The following NCOA3 variants were observed in gnomAD, a reference collection of about 807,000 sequenced individuals.
The protein encoded by NCOA3 is CBP-interacting protein.
A neutral mutation model predicts 158.8 loss-of-function variants in NCOA3; 51 were observed. That is an observed-to-expected ratio of 0.32 (90% CI 0.26 to 0.41). NCOA3 has a LOEUF of 0.41. Among genes scored for constraint, NCOA3 ranks in the 10% least tolerant of loss-of-function variants. The probability of loss-of-function intolerance (pLI) is 1.00; values close to 1 mark genes in which losing one functional copy is unlikely to be tolerated. For missense variants in NCOA3, 1,510 were observed against 1,746.6 expected, an observed-to-expected ratio of 0.86 and a Z score of 2.41; for synonymous variants, 537 against 592.4, an observed-to-expected ratio of 0.91 and a Z score of 1.36.
intron 2 of NCOA3, among the ~76,000 whole-genome samples, chr20:47,597,993 C>G (rs999016841): frequency 6.6e-6 from 1 of 151,606 alleles, no homozygotes; most frequent in African/African-American, 2.4e-5. Flanking sequence ...CGCCTGTAAT[C>G]CCAGCACTTT....
rs1253359648 is a variant in NCOA3, at chr20:47,656,652, A to AAAAT, written c.*3237_*3240dup. The AAAAT allele has an allele frequency of 1.3e-5, 2 of 152,672 alleles. No homozygotes were observed. Among genetic ancestry groups the AAAAT allele is most frequent in the Admixed American group, 6.5e-5 (1 of 15,286 alleles). The allele number at this position is 152,672 out of a possible 1,614,324, so 9.5% of individuals were successfully genotyped here. Reference sequence around the variant, plus strand: ...TCTAATATATGGAGTTTCGAAGAATAAAATATGAGAGCAATATTTAAATTC... The same window carrying AAAAT: ...TCTAATATATGGAGTTTCGAAGAATAAAATAAATATGAGAGCAATATTTAAATTC... On this transcript the variant is annotated 3_prime_UTR_variant, in exon 23 of 23. Transcript: ENST00000371998.
chr20:47,635,043 C>T (rs531798104), intron 10 of NCOA3, among the ~76,000 whole-genome samples: 4 of 151,734 alleles, frequency 2.6e-5, no homozygotes, highest in African/African-American at 4.8e-5. Flanking sequence ...ATCCTCCCAC[C>T]GCAGCCTCCT....
chr20:47,584,544 T>C (rs1410879306), intron 2 of NCOA3, among the ~76,000 whole-genome samples: 1 of 151,466 alleles, frequency 6.6e-6, no homozygotes, highest in East Asian at 1.9e-4. Flanking sequence ...CACTTGAACC[T>C]TGGAGGTGGA....
At chr20:47,507,910 C>T (rs1009823837) in intron 1 of NCOA3, among the ~76,000 whole-genome samples, 6 of 152,020 alleles carry the variant, frequency 3.9e-5, no homozygotes, top group South Asian at 4.1e-4. Flanking sequence ...TGAGCCACCA[C>T]GCCTGGCCAA....
At position 47,653,050 on chromosome 20, in the gene NCOA3, G is replaced by C. The variant is rs1405742279; in HGVS notation, c.4241G>C (p.Gly1414Ala). The C allele has an allele frequency of 1.2e-6, 2 of 1,614,062 alleles. No homozygotes were observed. The highest frequency in any genetic ancestry group is 1.7e-6 in the Non-Finnish European group (2 of 1,180,042). The change falls in exon 22 of 23, where the codon GGC (glycine) becomes GCC (alanine). Residue 1414 changes from glycine to alanine, a missense_variant. Gly to Ala is a moderately conservative substitution (Grantham distance 60, BLOSUM62 0). Around this residue, in one of 4 missense-constraint regions of NCOA3, gnomAD observed 180 missense variants for 199.3 expected, o/e 0.90. Transcript: ENST00000371998. Reference protein sequence around the residue: ...QMNMNPMPMSGMPMGPDQKYC With the variant: ...QMNMNPMPMSAMPMGPDQKYC ...AACATGAACCCCATGCCCATGTCTG[G>C]CATGCCTATGGGTCCTGATCAGGTA...
At position 47,636,332 on chromosome 20, in the gene NCOA3, C is replaced by T. The variant is rs543156122; in HGVS notation, c.1946C>T (p.Ser649Phe). Residue 649 changes from serine (S) to phenylalanine (F), a missense_variant, in exon 12 of 23, where the codon TCT becomes TTT. Around this residue, in one of 4 missense-constraint regions of NCOA3, gnomAD observed 1,017 missense variants for 1,098.3 expected, o/e 0.93. Transcript: ENST00000371998. ...NSPLDSSCKE[S>F]SVSVTSPSGV... Reference sequence around the variant, plus strand: ...CCCCTAGATTCAAGTTGTAAAGAATCTTCTGTTAGTGTCACCAGCCCCTCT... The same window carrying T: ...CCCCTAGATTCAAGTTGTAAAGAATTTTCTGTTAGTGTCACCAGCCCCTCT... 6.2e-7 allele frequency: 1 copy of T among 1,614,174 alleles called. No homozygotes were observed. Among genetic ancestry groups the T allele is most frequent in the African/African-American group, 1.3e-5 (1 of 75,030 alleles).
At chr20:47,573,697 T>C (rs183328442) in intron 1 of NCOA3, among the ~76,000 whole-genome samples, 1 of 152,268 alleles carries the variant, frequency 6.6e-6, no homozygotes, top group East Asian at 1.9e-4. Context: ...ACAGGTGTCT[T>C]GGGGAGAGGG....
chr20:47,641,302 C>T (rs541910607), intron 16 of NCOA3, among the ~76,000 whole-genome samples: 100 of 149,772 alleles, frequency 6.7e-4, no homozygotes, highest in Non-Finnish European at 9.9e-4. Context: ...TCCAGACTCA[C>T]GTCAGTGATA....
chr20:47,511,554 T>TATATATATATACATATATACACACACAC (rs1231372303), intron 1 of NCOA3, among the ~76,000 whole-genome samples: 1 of 31,074 alleles, frequency 3.2e-5, no homozygotes, highest in Non-Finnish European at 1.0e-4. Flanking sequence ...TATATATATA[T>TATATATATATACATATATACACACACAC]ATTTCTTTTT....
At chr20:47,540,275 T>C (rs982517082) in intron 1 of NCOA3, among the ~76,000 whole-genome samples, 1 of 152,120 alleles carries the variant, frequency 6.6e-6, no homozygotes, top group Non-Finnish European at 1.5e-5. Context: ...TATTTTTCCT[T>C]AAAATCAAAT....
intron 1 of NCOA3, among the ~76,000 whole-genome samples, chr20:47,503,264 G>C (rs1323449562): frequency 1.3e-5 from 2 of 152,150 alleles, no homozygotes; most frequent in African/African-American, 4.8e-5. Flanking sequence ...GTGATTGGAG[G>C]AATAAAAATC....
intron 1 of NCOA3, among the ~76,000 whole-genome samples, chr20:47,533,182 G>A (rs1285743311): frequency 6.7e-6 from 1 of 149,142 alleles, no homozygotes; most frequent in Non-Finnish European, 1.5e-5. Flanking sequence ...CTACTCAGGA[G>A]GCTGAGGCAG....
At chr20:47,622,591 C>G (rs1351094093) in intron 3 of NCOA3, among the ~76,000 whole-genome samples, 2 of 151,918 alleles carry the variant, frequency 1.3e-5, no homozygotes, top group African/African-American at 4.8e-5. Flanking sequence ...GTAGGAGTTA[C>G]GAATAGATGA....
At chr20:47,549,129 C>T (rs1158173388) in intron 1 of NCOA3, among the ~76,000 whole-genome samples, 1 of 152,026 alleles carries the variant, frequency 6.6e-6, no homozygotes, top group African/African-American at 2.4e-5. Context: ...CCTCCCACCT[C>T]AGCCTCCAAA....
At chr20:47,505,717 G>A (rs778185319) in intron 1 of NCOA3, among the ~76,000 whole-genome samples, 11 of 150,926 alleles carry the variant, frequency 7.3e-5, no homozygotes, top group Non-Finnish European at 1.2e-4. Flanking sequence ...TCAAAAAATT[G>A]AAAAACAAGG....
At chr20:47,650,755 T>C (rs929726514) in intron 19 of NCOA3, among the ~76,000 whole-genome samples, 4 of 151,658 alleles carry the variant, frequency 2.6e-5, no homozygotes, top group African/African-American at 9.7e-5. Context: ...CCCAGCTACT[T>C]GGGAGGCTGA....
chr20:47,573,970 C>T (rs2085335442), intron 1 of NCOA3, among the ~76,000 whole-genome samples: 1 of 151,742 alleles, frequency 6.6e-6, no homozygotes, highest in African/African-American at 2.4e-5. Context: ...TCCAAAAATT[C>T]AAGGGGTCAG....
intron 2 of NCOA3, among the ~76,000 whole-genome samples, chr20:47,589,714 C>G (rs2085595788): frequency 6.6e-6 from 1 of 152,004 alleles, no homozygotes; most frequent in Non-Finnish European, 1.5e-5. Flanking sequence ...GTTCTTTTAT[C>G]CTGAAACTAG....
chr20:47,525,150 G>A (rs2084407148), intron 1 of NCOA3, among the ~76,000 whole-genome samples: 1 of 149,636 alleles, frequency 6.7e-6, no homozygotes, highest in South Asian at 2.1e-4. Context: ...GGAGCATGCT[G>A]CCTTCAAGCA....
Sources: gnomAD v4.1 joint callset for allele counts (sites outside exome capture counted in the v4.1 genomes callset) on GRCh38, gnomAD v4.1.1 for gene constraint, gnomAD v4.1.1 regional missense constraint, MANE v1.5 for transcripts, NCBI Gene and HGNC (gene_info 2026-07-23, HGNC 2026-07-21) for gene names.